The following UGT1A5 variants were observed in gnomAD, a reference collection of about 807,000 sequenced individuals.
The protein encoded by UGT1A5 is UDP glucuronosyltransferase family 1 member A5.
In UGT1A5, 29 loss-of-function variants were observed where a neutral mutation model predicts 40.3. The observed-to-expected ratio is 0.72, with a 90% CI of 0.54 to 0.98. UGT1A5 has a LOEUF of 0.98. Among genes scored for constraint, UGT1A5 ranks in the 50% least tolerant of loss-of-function variants. The pLI, the probability that UGT1A5 is intolerant of heterozygous loss-of-function variation, is 0.00. For missense variants in UGT1A5, 678 were observed against 677.9 expected (o/e 1.00, Z 0.00); for synonymous variants, 257 against 262.5 (o/e 0.98, Z 0.20).
In UGT1A5 at chr2:233,737,002, C is replaced by T. The variant is rs534387073; in HGVS notation, c.867+23144C>T. On this transcript the variant is annotated intron_variant, in intron 1 of 4. Transcript: ENST00000373414. ...TCAAGATACACAGAGGTCAGGGACC[C>T]GCTTGAGGAGGCAGTCTGTCCATTC... Among the ~76,000 whole-genome samples, 262 of 152,308 alleles carry T rather than the reference C, an allele frequency of 1.7e-3. 1 individual carries two copies. Among genetic ancestry groups the T allele is most frequent in the South Asian group, 4.4e-3 (21 of 4,826 alleles).
intron 1 of UGT1A5, chr2:233,743,822 G>A (rs764939970): frequency 2.6e-5 from 36 of 1,367,122 alleles, no homozygotes; most frequent in Admixed American, 3.8e-5. Context: ...GTTTTTGTCG[G>A]GGTGCCACTT....
chr2:233,719,741 A>C, intron 1 of UGT1A5: 1 of 1,613,136 alleles, frequency 6.2e-7, no homozygotes, highest in Middle Eastern at 1.9e-4. Flanking sequence ...ACTTTTTAAA[A>C]AATGTATTTA....
intron 1 of UGT1A5, chr2:233,750,518 C>A (rs560132107): frequency 6.6e-6 from 1 of 152,090 alleles, no homozygotes; most frequent in South Asian, 2.1e-4. Flanking sequence ...ATTGCCAAGA[C>A]AATGGGGAAA....
At chr2:233,726,812 C>T (rs1441076374) in intron 1 of UGT1A5, among the ~76,000 whole-genome samples, 1 of 152,118 alleles carries the variant, frequency 6.6e-6, no homozygotes, top group Non-Finnish European at 1.5e-5. Flanking sequence ...GGAGGTTTTC[C>T]TCTATTCGAC....
chr2:233,760,210 T>A, intron 1 of UGT1A5: 1 of 1,591,180 alleles, frequency 6.3e-7, no homozygotes, highest in African/African-American at 1.4e-5. Flanking sequence ...AAACATTAAC[T>A]TGGTGTATCG....
chr2:233,771,017 G>A (rs964132313), intron 4 of UGT1A5: 3 of 152,186 alleles, frequency 2.0e-5, no homozygotes, highest in African/African-American at 7.2e-5. Flanking sequence ...GCAGGAGCGA[G>A]AGAGAGTTGG....
intron 1 of UGT1A5, among the ~76,000 whole-genome samples, chr2:233,748,665 G>C (rs2125893824): frequency 6.6e-6 from 1 of 151,856 alleles, no homozygotes; most frequent in South Asian, 2.1e-4. Context: ...AGTTTCCAGA[G>C]AGGGATCTGT....
intron 1 of UGT1A5, among the ~76,000 whole-genome samples, chr2:233,745,959 A>G (rs923729881): frequency 6.6e-6 from 1 of 151,676 alleles, no homozygotes; most frequent in African/African-American, 2.4e-5. Flanking sequence ...ACTGGGGGAC[A>G]GGGGCCCTGA....
rs368511777 is a variant in UGT1A5 at position 233,719,318 on chromosome 2, G to A, written c.867+5460G>A. 1.9e-5 allele frequency: 30 copies of A among 1,613,836 alleles called. No individual in the cohort carries two copies. In the East Asian group the frequency reaches 2.5e-4, roughly 13 times the overall value. On this transcript the variant is annotated intron_variant, in intron 1 of 4. Transcript: ENST00000373414. ...GGGCGGTGCTGGCTAAGTACCTGTC[G>A]ATTCCTGCTGTGTTTTTTTGGAGGT...
intron 1 of UGT1A5, among the ~76,000 whole-genome samples, chr2:233,739,443 A>C (rs965423718): frequency 3.9e-5 from 6 of 152,204 alleles, no homozygotes; most frequent in African/African-American, 7.2e-5. Flanking sequence ...TACCCTGCAA[A>C]GCCACAGGGT....
At chr2:233,759,674 A>G (rs1462532515) in intron 1 of UGT1A5, among the ~76,000 whole-genome samples, 1 of 125,012 alleles carries the variant, frequency 8.0e-6, no homozygotes, top group Admixed American at 1.1e-4. Flanking sequence ...TCATGTGTTT[A>G]AATTGTGAGT....
At chr2:233,744,357 G>A (rs1350694311) in intron 1 of UGT1A5, among the ~76,000 whole-genome samples, 2 of 151,858 alleles carry the variant, frequency 1.3e-5, no homozygotes, top group South Asian at 2.1e-4. Context: ...AAGACATCCT[G>A]TTGTTTAGGA....
Position 233,724,420 on chromosome 2 carries a change from G to C in UGT1A5, c.867+10562G>C, listed in dbSNP as rs1396792043. Among the ~76,000 whole-genome samples the C allele has an allele frequency of 2.2e-5, 3 of 135,560 alleles. 1 individual carries two copies. The highest frequency in any genetic ancestry group is 8.5e-5 in the African/African-American group (3 of 35,170). 88.9% of individuals were successfully genotyped at this position (135,560 alleles called of 152,430 possible). The stretch of plus-strand genomic sequence containing the variant: ...TTCCCAGATGGGGTGGCTGCCGGGC[G>C]GAGAGGCTCCTCACTTCTCAGACAG... On this transcript the variant is annotated intron_variant, in intron 1 of 4. Transcript: ENST00000373414.
intron 1 of UGT1A5, among the ~76,000 whole-genome samples, chr2:233,744,426 A>T (rs1305871447): frequency 6.6e-6 from 1 of 151,832 alleles, no homozygotes; most frequent in African/African-American, 2.4e-5. Flanking sequence ...TGTGGATTAT[A>T]TCTATCATAC....
chr2:233,758,803 T>C (rs554075465), intron 1 of UGT1A5, among the ~76,000 whole-genome samples: 1 of 152,342 alleles, frequency 6.6e-6, no homozygotes, highest in Admixed American at 6.5e-5. Context: ...TGGAATTGTA[T>C]AGTACAGCAG....
chr2:233,729,665 T>C, intron 1 of UGT1A5: 1 of 1,613,966 alleles, frequency 6.2e-7, no homozygotes, highest in Non-Finnish European at 8.5e-7. Context: ...CCATGTGATT[T>C]AGACTTTAAG....
At chr2:233,758,936 A>C (rs3755319) in intron 1 of UGT1A5, among the ~76,000 whole-genome samples, 79,279 of 152,106 alleles carry the variant, frequency 0.52, 21,809 homozygotes, top group African/African-American at 0.7. Context: ...TTGACTTCAA[A>C]TCAGTCATCA....
chr2:233,739,170 A>G (rs1447136581), intron 1 of UGT1A5: 1 of 152,280 alleles, frequency 6.6e-6, no homozygotes, highest in Non-Finnish European at 1.5e-5. Context: ...TAGAGGATGT[A>G]AGGAAATGCT....
chr2:233,755,562 G>A (rs185113714), intron 1 of UGT1A5: 366 of 159,838 alleles, frequency 2.3e-3, no homozygotes, highest in Non-Finnish European at 4.3e-3. Flanking sequence ...GGGAAAAAGA[G>A]GTTGGGGAAA....
Sources: allele counts gnomAD v4.1 joint callset (sites outside exome capture counted in the v4.1 genomes callset), GRCh38; gene constraint gnomAD v4.1.1; transcripts MANE v1.5; gene names NCBI Gene and HGNC (gene_info 2026-07-23, HGNC 2026-07-21).